TAFA2: variants seen among roughly 807,000 people sequenced by gnomAD.
The protein encoded by TAFA2 is TAFA chemokine like family member 2.
A neutral mutation model predicts 18.8 loss-of-function variants in TAFA2; 7 were observed. The observed-to-expected ratio is 0.37, with a 90% CI of 0.21 to 0.70. TAFA2 has a LOEUF of 0.70. Ranked by LOEUF, TAFA2 falls within the 30% of genes least tolerant of loss-of-function variation. The pLI is 0.53. For missense variants in TAFA2, 122 were observed against 158.1 expected (o/e 0.77, Z 1.23); for synonymous variants, 60 against 54.2 (o/e 1.11, Z -0.47).
chr12:62,039,491 T>C (rs1318050508), intron 1 of TAFA2, among the ~76,000 whole-genome samples: 1 of 152,170 alleles, frequency 6.6e-6, no homozygotes, highest in Non-Finnish European at 1.5e-5. Context: ...CAAGCAATTG[T>C]AAAGCAGAAA....
At chr12:62,215,830 T>C (rs901712716) in intron 1 of TAFA2, among the ~76,000 whole-genome samples, 1 of 151,782 alleles carries the variant, frequency 6.6e-6, no homozygotes, top group Non-Finnish European at 1.5e-5. Context: ...TTCTTATTTG[T>C]AGACAGAGAG....
rs566005428 is a variant in TAFA2, at chr12:61,916,735, G to A, written c.-1-49309C>T. 3.9e-5 allele frequency among the ~76,000 whole-genome samples: 6 copies of A among 152,238 alleles called. No individual in the cohort carries two copies. In the East Asian group the frequency reaches 7.7e-4, roughly 20 times the overall value. ...TTCTGAGTAGAAATACCTGAGCCAC[G>A]AGTCAGAGTTAATCTGGAGTGTAGA... is the stretch of plus-strand genomic sequence containing the variant. On this transcript the variant is annotated intron_variant, in intron 1 of 4. Transcript: ENST00000416284.
chr12:62,024,223 G>C (rs559063775), intron 1 of TAFA2, among the ~76,000 whole-genome samples: 2 of 152,084 alleles, frequency 1.3e-5, no homozygotes, highest in African/African-American at 4.8e-5. Flanking sequence ...GTGTATTCTT[G>C]ATATATGCTA....
At chr12:61,951,871 A>C (rs1878479188) in intron 1 of TAFA2, among the ~76,000 whole-genome samples, 1 of 142,710 alleles carries the variant, frequency 7.0e-6, no homozygotes, top group Non-Finnish European at 1.5e-5. Context: ...GCTGTCTGTA[A>C]GGAGCAATAT....
chr12:62,257,068 A>G (rs1177435811), intron 1 of TAFA2, among the ~76,000 whole-genome samples: 1 of 151,970 alleles, frequency 6.6e-6, no homozygotes, highest in East Asian at 1.9e-4. Context: ...AAGAGTTGAG[A>G]AATAAAGACA....
At chr12:62,039,339 G>A (rs1033653643) in intron 1 of TAFA2, among the ~76,000 whole-genome samples, 10 of 152,156 alleles carry the variant, frequency 6.6e-5, no homozygotes, top group Admixed American at 5.9e-4. Context: ...CGCTGAGTAA[G>A]GGCAGTAAAA....
At chr12:62,202,067 T>C (rs1285396493) in intron 1 of TAFA2, among the ~76,000 whole-genome samples, 1 of 152,216 alleles carries the variant, frequency 6.6e-6, no homozygotes, top group Non-Finnish European at 1.5e-5. Context: ...TTTGTATTTC[T>C]GTGGGGTCAA....
intron 1 of TAFA2, among the ~76,000 whole-genome samples, chr12:62,048,748 A>C (rs1037171451): frequency 1.3e-5 from 2 of 152,218 alleles, no homozygotes; most frequent in Non-Finnish European, 2.9e-5. Flanking sequence ...AGATTAATAA[A>C]ATGGAGAAAT....
At chr12:62,089,298 T>C (rs757468141) in intron 1 of TAFA2, among the ~76,000 whole-genome samples, 1 of 151,938 alleles carries the variant, frequency 6.6e-6, no homozygotes, top group Non-Finnish European at 1.5e-5. Context: ...AAGAAGAAAA[T>C]AGATTAGTTG....
chr12:62,108,431 A>G (rs1869562969), intron 1 of TAFA2, among the ~76,000 whole-genome samples: 1 of 152,214 alleles, frequency 6.6e-6, no homozygotes, highest in African/African-American at 2.4e-5. Flanking sequence ...GCTATTGTGA[A>G]CAATGGTGCA....
chr12:62,208,296 G>C (rs7964699), intron 1 of TAFA2, among the ~76,000 whole-genome samples: 2 of 151,888 alleles, frequency 1.3e-5, no homozygotes, highest in Admixed American at 6.6e-5. Context: ...CATCATAAAA[G>C]ATAGTGGCCT....
At chr12:62,003,921 T>C (rs1465667666) in intron 1 of TAFA2, among the ~76,000 whole-genome samples, 1 of 152,064 alleles carries the variant, frequency 6.6e-6, no homozygotes, top group African/African-American at 2.4e-5. Context: ...AAGAAGTGCA[T>C]GCAAAAAAAG....
At chr12:62,032,470 T>C (rs796845707) in intron 1 of TAFA2, among the ~76,000 whole-genome samples, 1 of 152,174 alleles carries the variant, frequency 6.6e-6, no homozygotes, top group South Asian at 2.1e-4. Flanking sequence ...AAAAACATTA[T>C]GTTTGTACTA....
chr12:62,163,481 C>A (rs2062419521), intron 1 of TAFA2, among the ~76,000 whole-genome samples: 1 of 152,084 alleles, frequency 6.6e-6, no homozygotes, highest in Admixed American at 6.6e-5. Flanking sequence ...TTCTCAAGTC[C>A]TTAACTTTTG....
At position 61,866,426 on chromosome 12, in the gene TAFA2, C is replaced by G. The variant is rs554358522; in HGVS notation, c.106+894G>C. 1.4e-4 allele frequency among the ~76,000 whole-genome samples: 22 copies of G among 152,242 alleles called. No homozygotes were observed. The East Asian group carries it at 4.1e-3, about 28-fold the overall frequency. On this transcript the variant is annotated intron_variant, in intron 2 of 4. Coordinates refer to ENST00000416284, the MANE Select transcript of TAFA2 (RefSeq NM_178539.5). ...CTTCTCCCAAAAATAGAATGAGAAACTTAGTTGTTAGTCTCTAGACTTTAT... is the reference window on the plus strand; with the variant it reads ...CTTCTCCCAAAAATAGAATGAGAAAGTTAGTTGTTAGTCTCTAGACTTTAT...
chr12:61,854,790 G>A (rs1873817431), intron 2 of TAFA2, among the ~76,000 whole-genome samples: 1 of 151,910 alleles, frequency 6.6e-6, no homozygotes, highest in African/African-American at 2.4e-5. Context: ...GAAAAGCAAG[G>A]TTTTAAAAAA....
chr12:61,766,813 A>G (rs1449014606), intron 2 of TAFA2, among the ~76,000 whole-genome samples: 2 of 152,102 alleles, frequency 1.3e-5, no homozygotes, highest in Non-Finnish European at 2.9e-5. Context: ...AGATAAACTT[A>G]TTGGAAATTG....
chr12:62,233,981 C>T (rs1156943011), intron 1 of TAFA2, among the ~76,000 whole-genome samples: 1 of 152,176 alleles, frequency 6.6e-6, no homozygotes, highest in Non-Finnish European at 1.5e-5. Context: ...AGAGGACCAG[C>T]TTATCTCCTT....
At chr12:62,091,165 C>A (rs1371652601) in intron 1 of TAFA2, among the ~76,000 whole-genome samples, 2 of 151,942 alleles carry the variant, frequency 1.3e-5, no homozygotes. Context: ...CAAGTTCCAG[C>A]TTTTCATCTA....
Sources: allele counts gnomAD v4.1 joint callset (sites outside exome capture counted in the v4.1 genomes callset), GRCh38; gene constraint gnomAD v4.1.1; transcripts MANE v1.5; gene names NCBI Gene and HGNC (gene_info 2026-07-23, HGNC 2026-07-21).